Variants in UVRAG observed in about 807,000 individuals in gnomAD.
UVRAG encodes the protein UV radiation resistance-associated gene protein.
Under a neutral mutation model 78.0 loss-of-function variants are expected in UVRAG, and 19 were observed. That is an observed-to-expected ratio of 0.24 (90% CI 0.17 to 0.36). UVRAG has a LOEUF of 0.36. Ranked by LOEUF, UVRAG falls within the 10% of genes least tolerant of loss-of-function variation. UVRAG has a pLI of 1.00. For missense variants in UVRAG, 740 were observed against 853.8 expected (o/e 0.87, Z 1.66); for synonymous variants, 323 against 324.6 (o/e 1.00, Z 0.05).
chr11:76,082,317 G>T (rs1387673466), intron 13 of UVRAG, among the ~76,000 whole-genome samples: 3 of 152,078 alleles, frequency 2.0e-5, no homozygotes, highest in Admixed American at 1.3e-4. Flanking sequence ...GAGGCGGGCA[G>T]ATCACGAGGT....
intron 2 of UVRAG, 105 bp from the exon 3 acceptor site, chr11:75,861,641 A>C: frequency 1.4e-6 from 1 of 718,694 alleles, no homozygotes; most frequent in Admixed American, 2.8e-5. Context: ...AAAATATTTT[A>C]AATGTTTTAC....
intron 1 of UVRAG, chr11:75,837,647 A>G (rs1174772089): frequency 6.6e-6 from 1 of 152,022 alleles, no homozygotes; most frequent in Non-Finnish European, 1.5e-5. Context: ...GGACTAGCCT[A>G]TTGAGATTTT....
intron 14 of UVRAG, among the ~76,000 whole-genome samples, chr11:76,134,286 G>T (rs1290133155): frequency 6.8e-6 from 1 of 147,336 alleles, no homozygotes; most frequent in South Asian, 2.2e-4. Flanking sequence ...TTTGGTGGGC[G>T]GGGGAGTCTT....
At chr11:76,046,139 A>G (rs767367196) in intron 12 of UVRAG, among the ~76,000 whole-genome samples, 19 of 152,250 alleles carry the variant, frequency 1.2e-4, no homozygotes, top group Non-Finnish European at 2.2e-4. Context: ...TCTATAACCT[A>G]TATTTAAATC....
rs148353075 is a variant in UVRAG, at chr11:75,891,803, A to G, written c.507+2900A>G. 2.1e-3 allele frequency among the ~76,000 whole-genome samples: 325 copies of G among 152,256 alleles called. 1 individual carries two copies. The highest frequency in any genetic ancestry group is 7.2e-3 in the African/African-American group (298 of 41,546). On this transcript the variant is annotated intron_variant, in intron 5 of 14. Transcript: ENST00000356136. The stretch of plus-strand genomic sequence containing the variant: ...GTGACACGTGTCTGTAGTCCCACCA[A>G]CTTGAGGGGCTGAGGCGGGAGGATT...
intron 2 of UVRAG, among the ~76,000 whole-genome samples, chr11:75,856,429 C>G (rs1946294722): frequency 6.6e-6 from 1 of 151,844 alleles, no homozygotes; most frequent in Admixed American, 6.6e-5. Context: ...GTGATCTTAC[C>G]CAAGTCTCAT....
intron 13 of UVRAG, among the ~76,000 whole-genome samples, chr11:76,077,222 C>CA (rs1258638083): frequency 6.7e-6 from 1 of 150,286 alleles, no homozygotes; most frequent in Non-Finnish European, 1.5e-5. Flanking sequence ...TAATTGAGGT[C>CA]AAAAAATTAT....
chr11:75,933,602 T>A (rs1948290174), intron 6 of UVRAG, among the ~76,000 whole-genome samples: 2 of 152,134 alleles, frequency 1.3e-5, no homozygotes, highest in Admixed American at 1.3e-4. Context: ...AAACTACCCA[T>A]CTGACAAGGG....
intron 13 of UVRAG, among the ~76,000 whole-genome samples, chr11:76,081,313 C>T (rs571080309): frequency 1.3e-5 from 2 of 152,192 alleles, no homozygotes; most frequent in South Asian, 2.1e-4. Flanking sequence ...TCAGGCCATT[C>T]TCCTACCTCA....
chr11:76,087,294 A>G (rs1007593976), intron 13 of UVRAG, among the ~76,000 whole-genome samples: 2 of 152,238 alleles, frequency 1.3e-5, no homozygotes, highest in Non-Finnish European at 2.9e-5. Context: ...ATGAGTTGCC[A>G]TGTTCTAAAA....
At chr11:75,846,056 A>G (rs995392719) in intron 1 of UVRAG, among the ~76,000 whole-genome samples, 2 of 152,216 alleles carry the variant, frequency 1.3e-5, no homozygotes, top group Admixed American at 6.5e-5. Context: ...GATCATAAAA[A>G]TGTTTGGCTT....
intron 4 of UVRAG, among the ~76,000 whole-genome samples, chr11:75,884,739 A>T (rs75703383): frequency 0.068 from 10,335 of 152,160 alleles, 510 homozygotes; most frequent in African/African-American, 0.14. Context: ...GTTCTGTTTC[A>T]TTGATCTGTA....
intron 7 of UVRAG, among the ~76,000 whole-genome samples, chr11:75,978,655 C>G (rs1392892971): frequency 6.6e-6 from 1 of 152,168 alleles, no homozygotes; most frequent in African/African-American, 2.4e-5. Flanking sequence ...TCCAGTTGAT[C>G]GAATCGGCTA....
At chr11:76,043,992 A>G (rs894235302) in intron 12 of UVRAG, among the ~76,000 whole-genome samples, 9 of 152,224 alleles carry the variant, frequency 5.9e-5, no homozygotes, top group African/African-American at 1.7e-4. Flanking sequence ...ATTTTCAGGC[A>G]TAAAAATCCA....
chr11:75,818,064 CA>C (rs1945300598), intron 1 of UVRAG, among the ~76,000 whole-genome samples: 1 of 128,054 alleles, frequency 7.8e-6, no homozygotes, highest in African/African-American at 3.5e-5. Context: ...TATCTAAAAA[CA>C]AACAAACAAA....
At chr11:75,877,599 G>A (rs1282770397) in intron 3 of UVRAG, among the ~76,000 whole-genome samples, 3 of 138,146 alleles carry the variant, frequency 2.2e-5, no homozygotes, top group Admixed American at 7.1e-5. Flanking sequence ...TCGGCTGGCC[G>A]GGCGGGGGGC....
chr11:75,878,783 G>A (rs552136312), intron 3 of UVRAG, among the ~76,000 whole-genome samples: 2 of 152,112 alleles, frequency 1.3e-5, no homozygotes, highest in South Asian at 4.2e-4. Flanking sequence ...ATCAGGCAGG[G>A]AGGTTGCAGT....
chr11:76,022,129 A>G (rs1006027650), intron 12 of UVRAG, among the ~76,000 whole-genome samples: 5 of 151,780 alleles, frequency 3.3e-5, no homozygotes, highest in African/African-American at 1.2e-4. Flanking sequence ...TTCTCGTTTT[A>G]TTCCATTGTG....
intron 13 of UVRAG, 26 bp downstream of exon 13, chr11:76,065,814 C>T: frequency 1.2e-6 from 2 of 1,605,448 alleles, no homozygotes; most frequent in Non-Finnish European, 1.7e-6. Context: ...TCACTTCTCT[C>T]CTACTTCCCA....
Sources: gnomAD v4.1 joint callset for allele counts (sites outside exome capture counted in the v4.1 genomes callset) on GRCh38, gnomAD v4.1.1 for gene constraint, MANE v1.5 for transcripts, NCBI Gene and HGNC (gene_info 2026-07-23, HGNC 2026-07-21) for gene names.